The following APCDD1L variants were observed in gnomAD, a reference collection of about 807,000 sequenced individuals.
APCDD1L encodes APC down-regulated 1 like, also known as protein APCDD1-like.
APCDD1L carries 21 observed loss-of-function variants against 24.2 expected under a neutral mutation model. That is an observed-to-expected ratio of 0.87 (90% CI 0.61 to 1.25). The LOEUF (loss-of-function observed/expected upper bound fraction) is 1.25. Among genes scored for constraint, APCDD1L ranks in the 50% most tolerant of loss-of-function variants. The pLI is 0.00. For missense variants in APCDD1L, 704 were observed against 711.7 expected (o/e 0.99, Z 0.12); for synonymous variants, 321 against 323.6 (o/e 0.99, Z 0.09).
chr20:58,490,068 C>G (rs901391045), intron 1 of APCDD1L, among the ~76,000 whole-genome samples: 2 of 152,150 alleles, frequency 1.3e-5, no homozygotes, highest in African/African-American at 2.4e-5. Flanking sequence ...GGCTTTGCCT[C>G]TTCATATGAC....
chr20:58,474,690 G>A (rs955777349), intron 1 of APCDD1L, among the ~76,000 whole-genome samples: 1 of 152,200 alleles, frequency 6.6e-6, no homozygotes, highest in Non-Finnish European at 1.5e-5. Flanking sequence ...GGTGACAAGA[G>A]TGAGACTCAG....
chr20:58,466,189 C>G (rs528916704), intron 3 of APCDD1L, among the ~76,000 whole-genome samples: 167 of 150,148 alleles, frequency 1.1e-3, no homozygotes, highest in Middle Eastern at 7.1e-3. Context: ...GGACGGTATG[C>G]GTGCAATGGC....
Position 58,467,645 on chromosome 20 carries a change from G to C in APCDD1L, c.202C>G (p.Pro68Ala). The change falls in exon 3 of 4, where the codon CCA (proline) becomes GCA (alanine). Residue 68 changes from proline to alanine, a missense_variant. Coordinates refer to ENST00000371149, the MANE Select transcript of APCDD1L (RefSeq NM_153360.3). This position sits in a 1 kb window ranked among gnomAD's most constrained non-coding sequence, Gnocchi z 5.9. ...GCGCGGGTCAGGAACTCCGGTCCTG[G>C]GCGCACCTCGCAGCTGCAGGGGTGG... is the stretch of plus-strand genomic sequence containing the variant. ...PWISTGCEVR[P>A]GPEFLTRAYT... 1 of 1,501,518 alleles carries C rather than the reference G, an allele frequency of 6.7e-7. No individual in the cohort carries two copies. Among genetic ancestry groups the C allele is most frequent in the Non-Finnish European group, 8.9e-7 (1 of 1,121,002 alleles). The allele number at this position is 1,501,518 out of a possible 1,614,324, so 93.0% of individuals were successfully genotyped here.
At chr20:58,489,171 C>G (rs1482363177) in intron 1 of APCDD1L, among the ~76,000 whole-genome samples, 1 of 152,092 alleles carries the variant, frequency 6.6e-6, no homozygotes, top group Non-Finnish European at 1.5e-5. Context: ...ATTTAAAAAT[C>G]TGCCCCCTGC....
At position 58,467,751 on chromosome 20, in the gene APCDD1L, G is replaced by T; in HGVS notation, c.189-93C>A. On this transcript the variant is annotated intron_variant, in intron 2 of 3. Transcript: ENST00000371149. The surrounding 1 kb of genome is among the most constrained non-coding windows in gnomAD (Gnocchi z 5.9). ...GGGCTGGGCTCCTTTCTCCCCCCCA[G>T]CCCTCCTCTTAGTCCTCAGCTCAGG... The T allele has an allele frequency of 7.9e-7, 1 of 1,273,864 alleles. No homozygotes were observed. Among genetic ancestry groups the T allele is most frequent in the Non-Finnish European group, 1.0e-6 (1 of 977,840 alleles). 78.9% of individuals were successfully genotyped at this position (1,273,864 alleles called of 1,614,324 possible). A position where few individuals can be genotyped will look rare whatever the true frequency, so the allele number is the denominator to read the frequency against.
chr20:58,495,086 C>T lies in APCDD1L; in HGVS notation c.49+19573G>A, dbSNP rs535573685. ...CTGGCCCCAACTGGTGCAGATTGGACGCTTAGTGCTCACATGCCTCCTTCA... is the reference window on the plus strand; with the variant it reads ...CTGGCCCCAACTGGTGCAGATTGGATGCTTAGTGCTCACATGCCTCCTTCA... On this transcript the variant is annotated intron_variant, in intron 1 of 3. Coordinates refer to ENST00000371149, the MANE Select transcript of APCDD1L (RefSeq NM_153360.3). 3.3e-4 allele frequency among the ~76,000 whole-genome samples: 50 copies of T among 152,232 alleles called. 1 individual carries two copies. Among genetic ancestry groups the T allele is most frequent in the South Asian group, 1.9e-3 (9 of 4,828 alleles).
chr20:58,502,083 CT>C (rs1319255456), intron 1 of APCDD1L, among the ~76,000 whole-genome samples: 3 of 152,156 alleles, frequency 2.0e-5, no homozygotes, highest in African/African-American at 7.2e-5. Context: ...TTGTCACCAT[CT>C]GCCATTGTCT....
At chr20:58,495,248 G>A (rs1025136810) in intron 1 of APCDD1L, among the ~76,000 whole-genome samples, 2 of 152,188 alleles carry the variant, frequency 1.3e-5, no homozygotes, top group Non-Finnish European at 2.9e-5. Context: ...AGTGCAAATT[G>A]AAAATACACG....
chr20:58,468,853 C>A (rs1339077249), intron 2 of APCDD1L, among the ~76,000 whole-genome samples: 1 of 152,160 alleles, frequency 6.6e-6, no homozygotes, highest in Admixed American at 6.5e-5. Flanking sequence ...CAGGCGTGAT[C>A]CCAGCCCATT....
intron 1 of APCDD1L, among the ~76,000 whole-genome samples, chr20:58,490,758 C>T (rs578245582): frequency 1.6e-4 from 24 of 152,284 alleles, no homozygotes; most frequent in Non-Finnish European, 1.2e-4. Flanking sequence ...TATACCCTTC[C>T]GGGTTTTGGA....
intron 3 of APCDD1L, among the ~76,000 whole-genome samples, chr20:58,465,258 T>G (rs560724642): frequency 1.3e-5 from 2 of 152,288 alleles, no homozygotes; most frequent in Admixed American, 1.3e-4. Flanking sequence ...TAAAAAGAAC[T>G]CTGAGGCTGA....
chr20:58,465,986 G>C (rs1040571500), intron 3 of APCDD1L, among the ~76,000 whole-genome samples: 4 of 151,840 alleles, frequency 2.6e-5, no homozygotes, highest in Non-Finnish European at 5.9e-5. Flanking sequence ...GGTTCCTTAG[G>C]CTTCACCAGC....
Position 58,514,796 on chromosome 20 carries a change from G to A in APCDD1L, c.-89C>T. 5 of 1,123,664 alleles carry A rather than the reference G, an allele frequency of 4.4e-6. No individual in the cohort carries two copies. Among genetic ancestry groups the A allele is most frequent in the East Asian group, 6.5e-5 (2 of 30,624 alleles). The allele number at this position is 1,123,664 out of a possible 1,614,324, so 69.6% of individuals were successfully genotyped here. On this transcript the variant is annotated 5_prime_UTR_variant, in exon 1 of 4. Coordinates refer to ENST00000371149, the MANE Select transcript of APCDD1L (RefSeq NM_153360.3). Reference sequence around the variant, plus strand: ...GCAGGGCTCTCGGACGGCTGCGGGCGCCGGCGGCCAGGCTGGAGTCCTGCG... The same window carrying A: ...GCAGGGCTCTCGGACGGCTGCGGGCACCGGCGGCCAGGCTGGAGTCCTGCG...
At chr20:58,493,036 TAC>T (rs1301143610) in intron 1 of APCDD1L, among the ~76,000 whole-genome samples, 2 of 99,016 alleles carry the variant, frequency 2.0e-5, no homozygotes, top group Admixed American at 1.0e-4. Flanking sequence ...AAGGCAAGCA[TAC>T]ACACACATAC....
intron 1 of APCDD1L, among the ~76,000 whole-genome samples, chr20:58,472,907 C>T (rs951074389): frequency 2.6e-5 from 4 of 152,160 alleles, no homozygotes; most frequent in African/African-American, 4.8e-5. Flanking sequence ...CCTGAGCTGA[C>T]GGGTGCACGT....
intron 3 of APCDD1L, among the ~76,000 whole-genome samples, chr20:58,465,527 G>A (rs1390831541): frequency 6.6e-6 from 1 of 152,138 alleles, no homozygotes; most frequent in Non-Finnish European, 1.5e-5. Flanking sequence ...GCTCCAAGAG[G>A]ACTTCATGGG....
chr20:58,465,340 G>T (rs1433765675), intron 3 of APCDD1L, among the ~76,000 whole-genome samples: 1 of 152,084 alleles, frequency 6.6e-6, no homozygotes, highest in Non-Finnish European at 1.5e-5. Context: ...AGGAGGGGGT[G>T]GGGGAAGGGG....
Position 58,461,104 on chromosome 20 carries a change from C to A in APCDD1L, c.1192G>T (p.Gly398Cys). 6.2e-7 allele frequency: 1 copy of A among 1,613,972 alleles called. No individual in the cohort carries two copies. Among genetic ancestry groups the A allele is most frequent in the Non-Finnish European group, 8.5e-7 (1 of 1,179,968 alleles). Residue 398 changes from glycine to cysteine, a missense_variant, in exon 4 of 4, where the codon GGC becomes TGC. Gly to Cys is a radical substitution (Grantham distance 159). Transcript: ENST00000371149. This position sits in a 1 kb window ranked among gnomAD's most constrained non-coding sequence, Gnocchi z 6.0. ...GTERDVTATNGCLPLGIRLPH... is the reference protein window; with the variant it reads ...GTERDVTATNCCLPLGIRLPH... ...AGCCGGATGCCCAGCGGTAGGCAGC[C>A]GTTGGTGGCTGTGACATCCCGCTCA...
intron 1 of APCDD1L, among the ~76,000 whole-genome samples, chr20:58,499,695 C>T (rs1990394466): frequency 6.6e-6 from 1 of 152,184 alleles, no homozygotes; most frequent in Non-Finnish European, 1.5e-5. Flanking sequence ...TGGGCAATGC[C>T]CCTTCACACC....
Sources: gnomAD v4.1 joint callset for allele counts (sites outside exome capture counted in the v4.1 genomes callset) on GRCh38, gnomAD v4.1.1 for gene constraint, Gnocchi (gnomAD v3.1) non-coding constraint, MANE v1.5 for transcripts, NCBI Gene and HGNC (gene_info 2026-07-23, HGNC 2026-07-21) for gene names.